The following MGAT4C variants were observed in gnomAD, a reference collection of about 807,000 sequenced individuals.
The protein encoded by MGAT4C is MGAT4 family member C.
Under a neutral mutation model 40.1 loss-of-function variants are expected in MGAT4C, and 19 were observed. The observed-to-expected ratio is 0.47, with a 90% CI of 0.33 to 0.70. The LOEUF (loss-of-function observed/expected upper bound fraction) is 0.70, where lower values mean the gene tolerates loss of function less well. MGAT4C is among the 30% of genes least tolerant of loss of function. MGAT4C has a pLI of 0.02. For synonymous variants in MGAT4C, 181 were observed against 187.1 expected, an observed-to-expected ratio of 0.97 and a Z score of 0.27; for missense variants, 491 against 563.2, an observed-to-expected ratio of 0.87 and a Z score of 1.30.
chr12:86,643,007 C>G (rs1342161407), intron 2 of MGAT4C, among the ~76,000 whole-genome samples: 1 of 151,662 alleles, frequency 6.6e-6, no homozygotes, highest in African/African-American at 2.4e-5. Context: ...CCTAGCAATT[C>G]CACTGTTAGG....
At chr12:86,781,011 ATTGTGTGT>A (rs1314399567) in intron 1 of MGAT4C, among the ~76,000 whole-genome samples, 5 of 149,274 alleles carry the variant, frequency 3.3e-5, no homozygotes, top group Non-Finnish European at 7.4e-5. Flanking sequence ...ATGGCTGAGT[ATTGTGTGT>A]GTGTGTGTGT....
At chr12:86,173,766 G>GA (rs200089685) in intron 1 of MGAT4C, among the ~76,000 whole-genome samples, 1 of 151,770 alleles carries the variant, frequency 6.6e-6, no homozygotes, top group Non-Finnish European at 1.5e-5. Context: ...GTTTTGGACT[G>GA]AAAAAAAGGG....
At chr12:86,280,882 T>C (rs1180431871) in intron 4 of MGAT4C, among the ~76,000 whole-genome samples, 1 of 152,064 alleles carries the variant, frequency 6.6e-6, no homozygotes, top group East Asian at 1.9e-4. Context: ...GTCTTTTATG[T>C]TTAGTATGTG....
chr12:86,245,902 A>G (rs1952005659), intron 1 of MGAT4C, among the ~76,000 whole-genome samples: 1 of 151,766 alleles, frequency 6.6e-6, no homozygotes, highest in Non-Finnish European at 1.5e-5. Context: ...AGCTACCAGA[A>G]TAAATAGCTC....
chr12:86,126,841 G>A (rs2135699792), intron 1 of MGAT4C, among the ~76,000 whole-genome samples: 1 of 152,270 alleles, frequency 6.6e-6, no homozygotes, highest in Non-Finnish European at 1.5e-5. Context: ...TGGCACCTGG[G>A]ACCGGTTTTG....
chr12:86,766,820 C>G (rs557370205), intron 1 of MGAT4C, among the ~76,000 whole-genome samples: 3 of 151,792 alleles, frequency 2.0e-5, no homozygotes, highest in East Asian at 3.9e-4. Flanking sequence ...TTGAAACCAA[C>G]GAGAACAAAG....
intron 1 of MGAT4C, among the ~76,000 whole-genome samples, chr12:86,234,017 ATTTAT>A (rs1951433443): frequency 6.6e-6 from 1 of 152,086 alleles, no homozygotes; most frequent in African/African-American, 2.4e-5. Context: ...TTTGATATTA[ATTTAT>A]TTTATGTTTT....
At chr12:86,041,949 T>C (rs1271395164) in intron 2 of MGAT4C, among the ~76,000 whole-genome samples, 1 of 152,194 alleles carries the variant, frequency 6.6e-6, no homozygotes, top group East Asian at 1.9e-4. Flanking sequence ...GCTATCTCAC[T>C]CTCTTCATAG....
chr12:86,584,741 T>G (rs781291131), intron 2 of MGAT4C, among the ~76,000 whole-genome samples: 1 of 151,302 alleles, frequency 6.6e-6, no homozygotes, highest in African/African-American at 2.4e-5. Flanking sequence ...TCCAATTTTA[T>G]TGGAAAGGTT....
At chr12:86,074,736 G>T (rs765368754) in intron 1 of MGAT4C, among the ~76,000 whole-genome samples, 36 of 152,172 alleles carry the variant, frequency 2.4e-4, no homozygotes, top group Non-Finnish European at 4.8e-4. Context: ...TACACAAGGT[G>T]AAAGGCACGT....
At chr12:86,675,142 T>G (rs1236015664) in intron 2 of MGAT4C, among the ~76,000 whole-genome samples, 1 of 152,196 alleles carries the variant, frequency 6.6e-6, no homozygotes, top group Non-Finnish European at 1.5e-5. Context: ...AATGCTAGCC[T>G]AGTTCTCTTC....
At chr12:86,207,455 C>G (rs1165845227) in intron 1 of MGAT4C, among the ~76,000 whole-genome samples, 1 of 151,906 alleles carries the variant, frequency 6.6e-6, no homozygotes, top group Non-Finnish European at 1.5e-5. Context: ...CTCGACCCCC[C>G]GACAGGCCTT....
chr12:86,417,790 T>G (rs1956746218), intron 3 of MGAT4C, among the ~76,000 whole-genome samples: 1 of 152,110 alleles, frequency 6.6e-6, no homozygotes, highest in Non-Finnish European at 1.5e-5. Flanking sequence ...ATGGTGATAA[T>G]GATGATAATA....
At position 86,617,908 on chromosome 12, in the gene MGAT4C, G is replaced by T. The variant is rs867041125; in HGVS notation, c.-229+109301C>A. The stretch of plus-strand genomic sequence containing the variant: ...AATGTGAAGAGAAAACGTGGTGAAT[G>T]AAAGGAAATACTTGCAAACTATTCA... On this transcript the variant is annotated intron_variant, in intron 2 of 7. Coordinates refer to the MGAT4C transcript ENST00000548651. Among the ~76,000 whole-genome samples the T allele has an allele frequency of 2.6e-5, 4 of 152,206 alleles. No homozygotes were observed. The South Asian group carries it at 8.3e-4, about 32-fold the overall frequency.
At chr12:86,338,664 T>C (rs1176061340) in intron 3 of MGAT4C, among the ~76,000 whole-genome samples, 1 of 151,922 alleles carries the variant, frequency 6.6e-6, no homozygotes, top group African/African-American at 2.4e-5. Flanking sequence ...ACTTTCTCAG[T>C]CATAATTTTG....
At chr12:86,068,837 A>G (rs1212888647) in intron 1 of MGAT4C, among the ~76,000 whole-genome samples, 1 of 152,128 alleles carries the variant, frequency 6.6e-6, no homozygotes, top group Non-Finnish European at 1.5e-5. Flanking sequence ...ATGAAAGCCC[A>G]GTAAACCTTG....
intron 1 of MGAT4C, among the ~76,000 whole-genome samples, chr12:86,180,107 G>A (rs1319642777): frequency 6.6e-6 from 1 of 152,192 alleles, no homozygotes; most frequent in Non-Finnish European, 1.5e-5. Context: ...CTCCAGCCAT[G>A]GCTGAAAGGG....
At position 86,551,599 on chromosome 12, in the gene MGAT4C, C is replaced by T. The variant is rs527359234; in HGVS notation, c.-228-116334G>A. On this transcript the variant is annotated intron_variant, in intron 2 of 7. Coordinates refer to the MGAT4C transcript ENST00000548651. ...AGCCCTGTGGTTCACTGCCAGCAGA[C>T]ATGCACGCAGGCCAGCTGAGTAACT... Among the ~76,000 whole-genome samples the T allele has an allele frequency of 5.1e-4, 78 of 152,324 alleles. 1 individual carries two copies. The South Asian group carries it at 0.015, about 30-fold the overall frequency.
At chr12:86,718,823 G>A (rs1345155650) in intron 2 of MGAT4C, among the ~76,000 whole-genome samples, 1 of 152,048 alleles carries the variant, frequency 6.6e-6, no homozygotes, top group Non-Finnish European at 1.5e-5. Flanking sequence ...GTTTATCTGA[G>A]GTGGGTCAGT....
Sources: gnomAD v4.1 joint callset for allele counts (sites outside exome capture counted in the v4.1 genomes callset) on GRCh38, gnomAD v4.1.1 for gene constraint, MANE v1.5 for transcripts, NCBI Gene and HGNC (gene_info 2026-07-23, HGNC 2026-07-21) for gene names.